PCSK6: variants seen among roughly 807,000 people sequenced by gnomAD.
PCSK6 encodes the protein paired basic amino acid cleaving enzyme 4.
PCSK6 carries 85 observed loss-of-function variants against 123.3 expected under a neutral mutation model. That is an observed-to-expected ratio of 0.69 (90% CI 0.58 to 0.83). The LOEUF is 0.83. Ranked by LOEUF, PCSK6 falls within the 40% of genes least tolerant of loss-of-function variation. PCSK6 has a pLI of 0.00. For synonymous variants in PCSK6, 508 were observed against 516.0 expected (o/e 0.98, Z 0.21); for missense variants, 1,191 against 1,282.3 (o/e 0.93, Z 1.09).
In PCSK6 at chr15:101,316,917, T is replaced by TTTTGTTTTG. The variant is rs1555444551; in HGVS notation, c.2569+1401_2569+1402insCAAAACAAA. ...TAGCAGAGACTTAATTCTGTTTTTTTTTTTTTTTTTTTGACAGAGTCTTAC... is the reference window on the plus strand; with the variant it reads ...TAGCAGAGACTTAATTCTGTTTTTTTTTTGTTTTGTTTTTTTTTTTTGACAGAGTCTTAC... On this transcript the variant is annotated intron_variant, in intron 19 of 21. Transcript: ENST00000611716. Among the ~76,000 whole-genome samples the TTTTGTTTTG allele has an allele frequency of 2.5e-3, 261 of 103,712 alleles. 8 individuals carry two copies. The highest frequency in any genetic ancestry group is 0.011 in the African/African-American group (256 of 23,640). The allele number at this position is 103,712 out of a possible 152,430, so 68.0% of individuals were successfully genotyped here.
intron 10 of PCSK6, among the ~76,000 whole-genome samples, chr15:101,383,066 CAT>C (rs910465398): frequency 2.0e-5 from 3 of 152,162 alleles, no homozygotes; most frequent in African/African-American, 7.2e-5. Context: ...TCCTCCCTAA[CAT>C]AAATACTACG....
At chr15:101,389,430 T>A in intron 9 of PCSK6, 34 bp downstream of exon 9, 1 of 1,223,260 alleles carries the variant, frequency 8.2e-7, no homozygotes, top group African/African-American at 1.7e-5. Flanking sequence ...TCTAAACATT[T>A]TTTTTTTTTA....
chr15:101,351,790 A>G (rs1364178854), intron 13 of PCSK6, among the ~76,000 whole-genome samples: 2 of 152,204 alleles, frequency 1.3e-5, no homozygotes, highest in East Asian at 1.9e-4. Context: ...GATGCCTCAT[A>G]TAACAGCCAA....
At chr15:101,487,535 G>C (rs866247347) in intron 1 of PCSK6, among the ~76,000 whole-genome samples, 2 of 151,788 alleles carry the variant, frequency 1.3e-5, no homozygotes, top group African/African-American at 2.4e-5. Context: ...AAATTTCCGG[G>C]GAGAGTTACC....
chr15:101,489,610 T>C lies in PCSK6; in HGVS notation c.61A>G (p.Thr21Ala), dbSNP rs1464682713. Residue 21 changes from threonine (T) to alanine (A), a missense_variant, in exon 1 of 22, where the codon ACC becomes GCC. Transcript: ENST00000611716. ...PRPPPRAAAA[T>A]DTAAGAGGAG... is the part of the protein sequence containing the mutation. Reference sequence around the variant, plus strand: ...CCCCCCGCGCCCGCGGCGGTGTCGGTGGCGGCGGCGGCCCGGGGCGGCGGC... The same window carrying C: ...CCCCCCGCGCCCGCGGCGGTGTCGGCGGCGGCGGCGGCCCGGGGCGGCGGC... 18 of 960,784 alleles carry C rather than the reference T, an allele frequency of 1.9e-5. No individual in the cohort carries two copies. Among genetic ancestry groups the C allele is most frequent in the East Asian group, 2.8e-4 (2 of 7,036 alleles). 59.5% of individuals were successfully genotyped at this position (960,784 alleles called of 1,614,324 possible).
intron 6 of PCSK6, among the ~76,000 whole-genome samples, chr15:101,405,899 C>T (rs1416702595): frequency 5.3e-5 from 8 of 152,134 alleles, no homozygotes; most frequent in Non-Finnish European, 7.3e-5. Context: ...CACACCACCA[C>T]GCCTGGCTAA....
chr15:101,432,497 C>T (rs958538798), intron 2 of PCSK6, among the ~76,000 whole-genome samples: 2 of 149,564 alleles, frequency 1.3e-5, no homozygotes, highest in Non-Finnish European at 1.5e-5. Context: ...GGCATGATGG[C>T]GCATGCCTGT....
At chr15:101,433,298 TATC>T (rs1413032847) in intron 2 of PCSK6, among the ~76,000 whole-genome samples, 1 of 152,244 alleles carries the variant, frequency 6.6e-6, no homozygotes, top group Admixed American at 6.5e-5. Flanking sequence ...CTCCTGCTCT[TATC>T]ATCCCGTGTA....
chr15:101,426,020 G>A (rs970731187), intron 6 of PCSK6, among the ~76,000 whole-genome samples: 1 of 152,172 alleles, frequency 6.6e-6, no homozygotes, highest in East Asian at 1.9e-4. Context: ...GCCTGGGGTG[G>A]GGATTCTGCA....
intron 20 of PCSK6, chr15:101,312,383 A>G (rs540018921): frequency 6.6e-6 from 1 of 152,616 alleles, no homozygotes; most frequent in Non-Finnish European, 1.5e-5. Flanking sequence ...AGGGCCATCA[A>G]ATAAGAATGG....
At chr15:101,428,533 C>T (rs921888149) in intron 5 of PCSK6, among the ~76,000 whole-genome samples, 9 of 152,192 alleles carry the variant, frequency 5.9e-5, no homozygotes, top group East Asian at 1.9e-4. Context: ...TGAGGAAGAA[C>T]GCTCTAAATT....
intron 8 of PCSK6, 85 bp from the exon 9 acceptor site, chr15:101,389,649 A>G (rs1480445082): frequency 2.9e-6 from 3 of 1,046,046 alleles, no homozygotes; most frequent in East Asian, 2.4e-5. Context: ...TTCAGGTGCC[A>G]CTAACTGGCA....
At chr15:101,440,277 C>T (rs1461297500) in intron 2 of PCSK6, among the ~76,000 whole-genome samples, 7 of 152,208 alleles carry the variant, frequency 4.6e-5, no homozygotes, top group African/African-American at 1.4e-4. Flanking sequence ...GCAAAATGGC[C>T]CTTTTCAAAG....
intron 1 of PCSK6, among the ~76,000 whole-genome samples, chr15:101,461,204 T>C (rs138526038): frequency 6.6e-6 from 1 of 151,806 alleles, no homozygotes; most frequent in African/African-American, 2.4e-5. Context: ...CAAGCAGAGG[T>C]TTAAAAACAA....
Position 101,354,422 on chromosome 15 carries a change from C to T in PCSK6, c.1858+11774G>A, listed in dbSNP as rs562468035. Among the ~76,000 whole-genome samples, 49 of 152,348 alleles carry T rather than the reference C, an allele frequency of 3.2e-4. 1 individual carries two copies. Among genetic ancestry groups the T allele is most frequent in the Non-Finnish European group, 5.6e-4 (38 of 68,028 alleles). On this transcript the variant is annotated intron_variant, in intron 13 of 21. Coordinates refer to ENST00000611716, the MANE Select transcript of PCSK6 (RefSeq NM_002570.5). Reference sequence around the variant, plus strand: ...ACTGTCTAGAGCACCTTCAGTCAAACGTAAAAGAAACTACGTGTCTTTTTA... The same window carrying T: ...ACTGTCTAGAGCACCTTCAGTCAAATGTAAAAGAAACTACGTGTCTTTTTA...
intron 1 of PCSK6, among the ~76,000 whole-genome samples, chr15:101,457,503 G>C (rs1418836954): frequency 6.6e-6 from 1 of 152,246 alleles, no homozygotes; most frequent in East Asian, 1.9e-4. Flanking sequence ...ATTTCTTAAA[G>C]AAAAGAACAA....
At chr15:101,482,539 C>G (rs1437093654) in intron 1 of PCSK6, among the ~76,000 whole-genome samples, 1 of 152,038 alleles carries the variant, frequency 6.6e-6, no homozygotes, top group African/African-American at 2.4e-5. Flanking sequence ...GCTCAGAGAT[C>G]CAAAAAAGCT....
chr15:101,427,786 T>C, intron 6 of PCSK6, 106 bp downstream of exon 6: 2 of 856,758 alleles, frequency 2.3e-6, no homozygotes, highest in Non-Finnish European at 3.7e-6. Context: ...TCTGCTGACA[T>C]GGCCAAAGCC....
At chr15:101,452,587 G>A (rs555566858) in intron 1 of PCSK6, among the ~76,000 whole-genome samples, 1 of 152,304 alleles carries the variant, frequency 6.6e-6, no homozygotes, top group South Asian at 2.1e-4. Flanking sequence ...CCAGAACAAG[G>A]CACTGCTGCA....
Sources: gnomAD v4.1 joint callset for allele counts (sites outside exome capture counted in the v4.1 genomes callset) on GRCh38, gnomAD v4.1.1 for gene constraint, MANE v1.5 for transcripts, NCBI Gene and HGNC (gene_info 2026-07-23, HGNC 2026-07-21) for gene names.